ANGPTL8: variants seen among roughly 807,000 people sequenced by gnomAD.
The protein encoded by ANGPTL8 is angiopoietin like 8.
ANGPTL8 carries 24 observed loss-of-function variants against 22.6 expected under a neutral mutation model. The ratio of observed to expected loss-of-function variants is 1.06; its 90% confidence interval spans 0.77 to 1.49. ANGPTL8 has a LOEUF of 1.49. ANGPTL8 is among the 40% of genes most tolerant of loss of function. The pLI is 0.00. For missense variants in ANGPTL8, 230 were observed against 259.6 expected, an observed-to-expected ratio of 0.89 and a Z score of 0.78; for synonymous variants, 88 against 113.4, an observed-to-expected ratio of 0.78 and a Z score of 1.42.
rs145464906 is a variant in ANGPTL8, at chr19:11,240,198, C to T, written c.361C>T (p.Gln121Ter). The part of the protein sequence containing the change: ...ATAEVLGEVA[Q>*]AQKVLRDSVQ... Reference sequence around the variant, plus strand: ...AGCTGAGGTGCTGGGGGAGGTGGCCCAGGCACAGAAGGTGCTACGGGACAG... The same window carrying T: ...AGCTGAGGTGCTGGGGGAGGTGGCCTAGGCACAGAAGGTGCTACGGGACAG... The change falls in exon 2 of 4, where the codon CAG becomes TAG. Residue 121 changes from glutamine (Q) to a stop codon, truncating the protein, a stop_gained. Coordinates refer to ENST00000252453, the MANE Select transcript of ANGPTL8 (RefSeq NM_018687.7). LOFTEE classifies it high-confidence loss of function. The T allele has an allele frequency of 5.3e-4, 827 of 1,557,872 alleles. 2 individuals are homozygous for T. Among genetic ancestry groups the T allele is most frequent in the Middle Eastern group, 4.8e-3 (28 of 5,840 alleles).
Position 11,240,141 on chromosome 19 carries a change from G to A in ANGPTL8, c.304G>A (p.Glu102Lys), listed in dbSNP as rs577368422. The change falls in exon 2 of 4, where the codon GAG becomes AAG. Residue 102 changes from glutamate (E) to lysine (K), a missense_variant. Coordinates refer to ENST00000252453, the MANE Select transcript of ANGPTL8 (RefSeq NM_018687.7). ...CCCACTGTTTATTAAGCAGATGGAG[G>A]AGGATATTCTGCAGCTGCAGGCAGA... ...RASLLETQMEEDILQLQAEAT... is the reference protein window; with the variant it reads ...RASLLETQMEKDILQLQAEAT... 20 of 1,551,686 alleles carry A rather than the reference G, an allele frequency of 1.3e-5. No individual in the cohort carries two copies. In the African/African-American group the frequency reaches 1.8e-4, roughly 14 times the overall value.
chr19:11,240,473 C>T (rs1387941051), intron 2 of ANGPTL8, among the ~76,000 whole-genome samples, 177 bp downstream of exon 2: 1 of 152,118 alleles, frequency 6.6e-6, no homozygotes, highest in African/African-American at 2.4e-5. Context: ...CTTTTGTGTG[C>T]CTCAGTTGCA....
Position 11,239,798 on chromosome 19 carries a change from G to A in ANGPTL8, c.161G>A (p.Arg54Lys), listed in dbSNP as rs772107121. The A allele has an allele frequency of 1.6e-5, 25 of 1,607,932 alleles. No homozygotes were observed. In the East Asian group the frequency reaches 2.0e-4, roughly 13 times the overall value. The change falls in exon 1 of 4, where the codon AGG (arginine) becomes AAG (lysine). Residue 54 changes from arginine (R) to lysine (K), a missense_variant. By Grantham distance (26) the Arg-to-Lys change is conservative. Coordinates refer to ENST00000252453, the MANE Select transcript of ANGPTL8 (RefSeq NM_018687.7). ...GGCCAGGCCCTCAACGGTGTGTACA[G>A]GACCACGGAGGGACGGCTGACAAAG... ...QLGQALNGVYRTTEGRLTKAR... is the reference protein window; with the variant it reads ...QLGQALNGVYKTTEGRLTKAR...
At position 11,241,436 on chromosome 19, in the gene ANGPTL8, C is replaced by G; in HGVS notation, c.460-9C>G. The G allele has an allele frequency of 1.3e-6, 2 of 1,537,992 alleles. No individual in the cohort carries two copies. Among genetic ancestry groups the G allele is most frequent in the Non-Finnish European group, 1.8e-6 (2 of 1,136,216 alleles). ...CTGTCGGCTGAGGTTTCCATTCTGA[C>G]CCCCACAGGCTCACGCTGACAAGCA... On this transcript the variant is annotated splice_polypyrimidine_tract_variant and intron_variant, in intron 2 of 3. Coordinates refer to ENST00000252453, the MANE Select transcript of ANGPTL8 (RefSeq NM_018687.7).
intron 3 of ANGPTL8, 49 bp downstream of exon 3, chr19:11,241,603 A>C: frequency 6.4e-7 from 1 of 1,558,234 alleles, no homozygotes; most frequent in Non-Finnish European, 8.7e-7. Flanking sequence ...TGGGGGGCGC[A>C]CAGGGCAGCT....
At chr19:11,240,405 G>A (rs1487508663) in intron 2 of ANGPTL8, 109 bp downstream of exon 2, 1 of 1,151,902 alleles carries the variant, frequency 8.7e-7, no homozygotes, top group Non-Finnish European at 1.2e-6. Context: ...CAGCTCTGTG[G>A]CCTCTACCCT....
chr19:11,240,323 G>A, intron 2 of ANGPTL8, 27 bp downstream of exon 2: 1 of 1,514,908 alleles, frequency 6.6e-7, no homozygotes, highest in South Asian at 1.3e-5. Context: ...ACCCTAGTGG[G>A]CTGAGACCCT....
In ANGPTL8 at chr19:11,241,656, C is replaced by T. The variant is rs1435026686; in HGVS notation, c.570-4C>T. The T allele has an allele frequency of 6.3e-7, 1 of 1,577,314 alleles. No homozygotes were observed. The highest frequency in any genetic ancestry group is 1.8e-5 in the Admixed American group (1 of 54,598). ...CCTGGGCTGAGCCACATCTCCCTCC[C>T]CAGACTCCACACAGCGGCGCTCCCA... On this transcript the variant is annotated splice_polypyrimidine_tract_variant and splice_region_variant and intron_variant, in intron 3 of 3. Coordinates refer to ENST00000252453, the MANE Select transcript of ANGPTL8 (RefSeq NM_018687.7).
intron 3 of ANGPTL8, 24 bp from the exon 4 acceptor site, chr19:11,241,636 G>C: frequency 6.4e-7 from 1 of 1,568,898 alleles, no homozygotes; most frequent in Non-Finnish European, 8.6e-7. Context: ...CCTCACCTGG[G>C]CTGAGCCACA....
In ANGPTL8 at chr19:11,241,804, C is replaced by T; in HGVS notation, c.*117C>T. On this transcript the variant is annotated 3_prime_UTR_variant, in exon 4 of 4. Transcript: ENST00000252453. Reference sequence around the variant, plus strand: ...CTGGGATCAGCCAGGGCGCCGGGCCCCACTTCTGAGCACAGAGCAGAGACA... The same window carrying T: ...CTGGGATCAGCCAGGGCGCCGGGCCTCACTTCTGAGCACAGAGCAGAGACA... 1 of 1,497,956 alleles carries T rather than the reference C, an allele frequency of 6.7e-7. No individual in the cohort carries two copies. Among genetic ancestry groups the T allele is most frequent in the Non-Finnish European group, 9.1e-7 (1 of 1,101,660 alleles). 92.8% of individuals were successfully genotyped at this position (1,497,956 alleles called of 1,614,324 possible).
rs1355628966 is a variant in ANGPTL8, at chr19:11,240,195, GC to G, written c.361del (p.Gln121ArgfsTer13). 1 of 1,556,690 alleles carries G rather than the reference GC, an allele frequency of 6.4e-7. No homozygotes were observed. The highest frequency in any genetic ancestry group is 8.7e-7 in the Non-Finnish European group (1 of 1,149,998). ...CACAGCTGAGGTGCTGGGGGAGGTG[GC>G]CCAGGCACAGAAGGTGCTACGGGAC... ...EATAEVLGEV[A>X]QAQKVLRDSV... is the part of the protein sequence containing the mutation. On this transcript the variant is annotated frameshift_variant, in exon 2 of 4. Coordinates refer to ENST00000252453, the MANE Select transcript of ANGPTL8 (RefSeq NM_018687.7). LOFTEE classifies it high-confidence loss of function.
At position 11,241,454 on chromosome 19, in the gene ANGPTL8, G is replaced by A; in HGVS notation, c.469G>A (p.Asp157Asn). Residue 157 changes from aspartate (D) to asparagine (N), a missense_variant, in exon 3 of 4, where the codon GAC (aspartate) becomes AAC (asparagine). Coordinates refer to ENST00000252453, the MANE Select transcript of ANGPTL8 (RefSeq NM_018687.7). The stretch of plus-strand genomic sequence containing the variant: ...ATTCTGACCCCCACAGGCTCACGCT[G>A]ACAAGCAGAGCCACATCCTATGGGC... ...REFEVLKAHA[D>N]KQSHILWALT... 1 of 1,550,064 alleles carries A rather than the reference G, an allele frequency of 6.5e-7. No individual in the cohort carries two copies. Among genetic ancestry groups the A allele is most frequent in the Non-Finnish European group, 8.7e-7 (1 of 1,146,446 alleles).
chr19:11,240,315 C>T lies in ANGPTL8; in HGVS notation c.459+19C>T. On this transcript the variant is annotated intron_variant, in intron 2 of 3. Transcript: ENST00000252453. ...CTTAAAGGTAAGGAGCTCCCCCAAC[C>T]CTAGTGGGCTGAGACCCTGATTTCC... 1.3e-6 allele frequency: 2 copies of T among 1,534,346 alleles called. No individual in the cohort carries two copies. Among genetic ancestry groups the T allele is most frequent in the Admixed American group, 2.3e-5 (1 of 43,876 alleles).
rs2147847082 is a variant in ANGPTL8 at position 11,241,720 on chromosome 19, C to T, written c.*33C>T. Reference sequence around the variant, plus strand: ...TGGATGGAACTGAGGACCAATCATGCTGCAAGGAACACTTCCACGCCCCGT... The same window carrying T: ...TGGATGGAACTGAGGACCAATCATGTTGCAAGGAACACTTCCACGCCCCGT... On this transcript the variant is annotated 3_prime_UTR_variant, in exon 4 of 4. Transcript: ENST00000252453. 1 of 1,573,168 alleles carries T rather than the reference C, an allele frequency of 6.4e-7. No individual in the cohort carries two copies. The highest frequency in any genetic ancestry group is 8.6e-7 in the Non-Finnish European group (1 of 1,160,128).
chr19:11,241,508 C>T lies in ANGPTL8; in HGVS notation c.523C>T (p.Arg175Trp), dbSNP rs781506138. 49 of 1,552,958 alleles carry T rather than the reference C, an allele frequency of 3.2e-5. No homozygotes were observed. In the African/African-American group the frequency reaches 3.8e-4, roughly 12 times the overall value. The change falls in exon 3 of 4, where the codon CGG (arginine) becomes TGG (tryptophan). Residue 175 changes from arginine to tryptophan, a missense_variant. Coordinates refer to ENST00000252453, the MANE Select transcript of ANGPTL8 (RefSeq NM_018687.7). ...ALTGHVQRQRREMVAQQHRLR... is the reference protein window; with the variant it reads ...ALTGHVQRQRWEMVAQQHRLR... ...CACAGGCCACGTGCAGCGGCAGAGGCGGGAGATGGTGGCACAGCAGCATCG... is the reference window on the plus strand; with the variant it reads ...CACAGGCCACGTGCAGCGGCAGAGGTGGGAGATGGTGGCACAGCAGCATCG...
chr19:11,240,439 G>A, intron 2 of ANGPTL8, 143 bp downstream of exon 2: 1 of 822,092 alleles, frequency 1.2e-6, no homozygotes, highest in Non-Finnish European at 1.8e-6. Flanking sequence ...CAAAACTCAA[G>A]TCCTTTTGTG....
Position 11,241,668 on chromosome 19 carries a change from C to A in ANGPTL8, c.578C>A (p.Thr193Lys). The change falls in exon 4 of 4, where the codon ACA (threonine) becomes AAA (lysine). Residue 193 changes from threonine to lysine, a missense_variant. Transcript: ENST00000252453. ...CACATCTCCCTCCCCAGACTCCACA[C>A]AGCGGCGCTCCCAGCCTGAATCTGC... ...RLRQIQERLH[T>K]AALPA The A allele has an allele frequency of 6.3e-7, 1 of 1,582,220 alleles. No homozygotes were observed. The highest frequency in any genetic ancestry group is 1.2e-5 in the South Asian group (1 of 85,918).
At chr19:11,241,106 C>T (rs573285685) in intron 2 of ANGPTL8, among the ~76,000 whole-genome samples, 3 of 151,874 alleles carry the variant, frequency 2.0e-5, no homozygotes, top group Non-Finnish European at 2.9e-5. Flanking sequence ...ATTAGCTGGG[C>T]GTGGTGGCAC....
At chr19:11,239,958 G>A (rs2079916099) in intron 1 of ANGPTL8, 24 bp downstream of exon 1, 8 of 1,564,816 alleles carry the variant, frequency 5.1e-6, no homozygotes, top group Non-Finnish European at 6.1e-6. Flanking sequence ...CTGCGACACT[G>A]TGGGGTGGCC....
Sources: allele counts gnomAD v4.1 joint callset (sites outside exome capture counted in the v4.1 genomes callset), GRCh38; gene constraint gnomAD v4.1.1; transcripts MANE v1.5; gene names NCBI Gene and HGNC (gene_info 2026-07-23, HGNC 2026-07-21).